NKAIN2: variants seen among roughly 807,000 people sequenced by gnomAD.
The protein encoded by NKAIN2 is sodium/potassium-transporting ATPase subunit beta-1-interacting protein 2.
NKAIN2 carries 14 observed loss-of-function variants against 32.6 expected under a neutral mutation model. The observed-to-expected ratio is 0.43, with a 90% CI of 0.28 to 0.67. The LOEUF (loss-of-function observed/expected upper bound fraction) is 0.67. Ranked by LOEUF, NKAIN2 falls within the 30% of genes least tolerant of loss-of-function variation. The pLI, the probability that NKAIN2 is intolerant of heterozygous loss-of-function variation, is 0.17. For synonymous variants in NKAIN2, 80 were observed against 87.2 expected (o/e 0.92, Z 0.46); for missense variants, 198 against 258.3 (o/e 0.77, Z 1.60).
At chr6:124,386,720 T>G (rs1772916275) in intron 3 of NKAIN2, among the ~76,000 whole-genome samples, 1 of 152,132 alleles carries the variant, frequency 6.6e-6, no homozygotes, top group African/African-American at 2.4e-5. Flanking sequence ...CCTCTTCAAT[T>G]AGGGCATGGA....
Position 124,436,598 on chromosome 6 carries a change from G to A in NKAIN2, c.273+81251G>A, listed in dbSNP as rs180929457. Among the ~76,000 whole-genome samples the A allele has an allele frequency of 1.9e-3, 284 of 152,054 alleles. 1 individual carries two copies. The highest frequency in any genetic ancestry group is 5.2e-3 in the African/African-American group (214 of 41,500). On this transcript the variant is annotated intron_variant, in intron 3 of 6. Transcript: ENST00000368417. ...TTTAGTGAAATTGAAATTTCTCTTG[G>A]TGCCTCTCTCCCACAGCCCACTCCA...
intron 1 of NKAIN2, among the ~76,000 whole-genome samples, chr6:124,166,104 A>C (rs1788526917): frequency 7.8e-6 from 1 of 128,660 alleles, no homozygotes; most frequent in Admixed American, 8.3e-5. Context: ...TGACTTCCAC[A>C]ATGGTTGAAC....
chr6:124,306,758 G>A (rs1301908481), intron 2 of NKAIN2, among the ~76,000 whole-genome samples: 1 of 152,120 alleles, frequency 6.6e-6, no homozygotes, highest in Non-Finnish European at 1.5e-5. Flanking sequence ...TGCTGTTTGA[G>A]TTTGTGGATC....
intron 1 of NKAIN2, among the ~76,000 whole-genome samples, chr6:124,102,329 C>A (rs1784924524): frequency 6.6e-6 from 1 of 152,202 alleles, no homozygotes; most frequent in Non-Finnish European, 1.5e-5. Context: ...ATTCTGACTT[C>A]ATTCCAGGCT....
At chr6:124,059,202 T>C (rs2114851462) in intron 1 of NKAIN2, among the ~76,000 whole-genome samples, 1 of 152,252 alleles carries the variant, frequency 6.6e-6, no homozygotes, top group South Asian at 2.1e-4. Context: ...TTAAATCCAC[T>C]ATCAATACCA....
chr6:123,990,627 A>G (rs1042932509), intron 1 of NKAIN2, among the ~76,000 whole-genome samples: 2 of 152,084 alleles, frequency 1.3e-5, no homozygotes, highest in African/African-American at 2.4e-5. Context: ...CTGAACTTCT[A>G]TGGCTCTCAT....
chr6:124,094,709 G>A (rs1784579647), intron 1 of NKAIN2, among the ~76,000 whole-genome samples: 1 of 152,088 alleles, frequency 6.6e-6, no homozygotes, highest in African/African-American at 2.4e-5. Context: ...CACCAAAGCA[G>A]TATATATCAA....
intron 2 of NKAIN2, among the ~76,000 whole-genome samples, chr6:124,284,633 G>A (rs191645991): frequency 5.9e-5 from 9 of 152,062 alleles, no homozygotes; most frequent in Admixed American, 4.6e-4. Context: ...AAATCTAGAT[G>A]TGACCCAAAA....
intron 1 of NKAIN2, among the ~76,000 whole-genome samples, chr6:123,976,029 T>A (rs1054689304): frequency 6.6e-6 from 1 of 151,402 alleles, no homozygotes; most frequent in Non-Finnish European, 1.5e-5. Flanking sequence ...ATCTGATGGT[T>A]TTATAAGAGG....
At chr6:124,234,484 G>A (rs1023317369) in intron 1 of NKAIN2, among the ~76,000 whole-genome samples, 5 of 152,058 alleles carry the variant, frequency 3.3e-5, no homozygotes, top group African/African-American at 1.2e-4. Context: ...ATTCTAGTAT[G>A]CATACAATAT....
At chr6:124,460,572 A>T (rs1406574897) in intron 3 of NKAIN2, among the ~76,000 whole-genome samples, 1 of 151,698 alleles carries the variant, frequency 6.6e-6, no homozygotes, top group Admixed American at 6.6e-5. Flanking sequence ...TTTACCTCTT[A>T]TTATTGCTGA....
At chr6:124,146,144 G>T (rs1442951953) in intron 1 of NKAIN2, among the ~76,000 whole-genome samples, 1 of 152,034 alleles carries the variant, frequency 6.6e-6, no homozygotes. Context: ...TACTACAACT[G>T]CTTGTTAATC....
chr6:124,110,585 G>A (rs953543489), intron 1 of NKAIN2, among the ~76,000 whole-genome samples: 1 of 151,860 alleles, frequency 6.6e-6, no homozygotes, highest in African/African-American at 2.4e-5. Context: ...TCTGTTGTTT[G>A]CATATTTATA....
chr6:124,061,285 G>A (rs1782908590), intron 1 of NKAIN2, among the ~76,000 whole-genome samples: 1 of 151,922 alleles, frequency 6.6e-6, no homozygotes, highest in African/African-American at 2.4e-5. Flanking sequence ...CATTCTCAAA[G>A]GTGTTTTTAA....
intron 1 of NKAIN2, among the ~76,000 whole-genome samples, chr6:124,145,698 G>T (rs1042587642): frequency 3.3e-5 from 5 of 151,964 alleles, no homozygotes; most frequent in African/African-American, 1.2e-4. Context: ...GTAGAGAAGG[G>T]GTTTTACTGT....
chr6:124,518,466 G>A (rs756401128), intron 3 of NKAIN2, among the ~76,000 whole-genome samples: 2 of 152,022 alleles, frequency 1.3e-5, no homozygotes, highest in Non-Finnish European at 2.9e-5. Flanking sequence ...CATTGTGCTG[G>A]CATCTGCTTG....
At chr6:124,792,402 C>A (rs1454937925) in intron 5 of NKAIN2, among the ~76,000 whole-genome samples, 1 of 151,994 alleles carries the variant, frequency 6.6e-6, no homozygotes, top group Non-Finnish European at 1.5e-5. Context: ...GATCTAAAAT[C>A]AGAAGTATAC....
chr6:124,256,064 A>G (rs1793915501), intron 1 of NKAIN2, among the ~76,000 whole-genome samples: 1 of 152,188 alleles, frequency 6.6e-6, no homozygotes. Flanking sequence ...TACAAGGGAA[A>G]TTACTCCGTG....
In NKAIN2 at chr6:123,810,659, A is replaced by T. The variant is rs545047331; in HGVS notation, c.54+6405A>T. Among the ~76,000 whole-genome samples the T allele has an allele frequency of 3.3e-4, 49 of 149,302 alleles. No homozygotes were observed. In the South Asian group the frequency reaches 4.2e-3, roughly 13 times the overall value. On this transcript the variant is annotated intron_variant, in intron 1 of 6. Transcript: ENST00000368417. ...AAAAAATATATTCTTTTTTTTTTTT[A>T]AATCCAGCTCTTTTTAAAACCACTC...
Sources: allele counts gnomAD v4.1 joint callset (sites outside exome capture counted in the v4.1 genomes callset), GRCh38; gene constraint gnomAD v4.1.1; transcripts MANE v1.5; gene names NCBI Gene and HGNC (gene_info 2026-07-23, HGNC 2026-07-21).